The following TSPEAR variants were observed in gnomAD, a reference collection of about 807,000 sequenced individuals.
TSPEAR encodes thrombospondin-type laminin G domain and EAR repeat-containing protein.
Under a neutral mutation model 71.6 loss-of-function variants are expected in TSPEAR, and 69 were observed. The observed-to-expected ratio is 0.96, with a 90% confidence interval of 0.79 to 1.18. The LOEUF (loss-of-function observed/expected upper bound fraction) is 1.18, where lower values mean the gene tolerates loss of function less well. Ranked by LOEUF, TSPEAR falls within the 50% of genes most tolerant of loss-of-function variation. The pLI, the probability that TSPEAR is intolerant of heterozygous loss-of-function variation, is 0.00. For missense variants in TSPEAR, 971 were observed against 894.9 expected, an observed-to-expected ratio of 1.09 and a Z score of -1.09; for synonymous variants, 402 against 387.2, an observed-to-expected ratio of 1.04 and a Z score of -0.45.
intron 1 of TSPEAR, chr21:44,627,027 G>A (rs1982836724): frequency 1.6e-6 from 2 of 1,289,856 alleles, no homozygotes; most frequent in Non-Finnish European, 2.1e-6. Flanking sequence ...CAAGGAAGGG[G>A]AAGCTGTGGG....
intron 1 of TSPEAR, among the ~76,000 whole-genome samples, chr21:44,651,292 G>A (rs1329602534): frequency 1.3e-5 from 2 of 152,224 alleles, no homozygotes; most frequent in East Asian, 1.9e-4. Context: ...GACAGCTCAC[G>A]GCTGTGGCTG....
At chr21:44,540,682 C>T (rs1190868034) in intron 2 of TSPEAR, among the ~76,000 whole-genome samples, 2 of 152,302 alleles carry the variant, frequency 1.3e-5, no homozygotes, top group East Asian at 1.9e-4. Context: ...CAGTGGCCAG[C>T]GAACCCCACA....
chr21:44,548,812 A>G (rs1195131086), intron 2 of TSPEAR, among the ~76,000 whole-genome samples: 2 of 152,184 alleles, frequency 1.3e-5, no homozygotes, highest in Non-Finnish European at 2.9e-5. Flanking sequence ...CAGTATCTCT[A>G]AGAATTTTAA....
rs907026381 is a variant in TSPEAR, at chr21:44,499,600, C to T, written c.*183G>A. The T allele has an allele frequency of 1.7e-6, 1 of 591,758 alleles. No homozygotes were observed. Among genetic ancestry groups the T allele is most frequent in the Non-Finnish European group, 2.8e-6 (1 of 351,400 alleles). 36.7% of individuals were successfully genotyped at this position (591,758 alleles called of 1,614,324 possible). ...TCACTGGGGCTGTGGCTCAGAAGGA[C>T]TCAGAGGTGGATGGATGTCCCTGCC... On this transcript the variant is annotated 3_prime_UTR_variant, in exon 12 of 12. Coordinates refer to ENST00000323084, the MANE Select transcript of TSPEAR (RefSeq NM_144991.3).
At chr21:44,638,356 C>T in intron 1 of TSPEAR, 1 of 369,718 alleles carries the variant, frequency 2.7e-6, no homozygotes. Context: ...CAGCTACTCC[C>T]CCAGACCCAA....
At chr21:44,575,195 G>A in intron 1 of TSPEAR, 5 of 725,508 alleles carry the variant, frequency 6.9e-6, no homozygotes, top group South Asian at 2.0e-5. Flanking sequence ...CGGGGGGAGG[G>A]GGGCGCTTCT....
intron 6 of TSPEAR, among the ~76,000 whole-genome samples, chr21:44,527,986 C>A (rs991330421): frequency 1.3e-5 from 2 of 152,154 alleles, no homozygotes; most frequent in Non-Finnish European, 2.9e-5. Flanking sequence ...TGGATCTCAT[C>A]TCTGATCTAG....
intron 5 of TSPEAR, 70 bp from the exon 6 acceptor site, chr21:44,528,653 G>A: frequency 1.3e-6 from 2 of 1,580,742 alleles, no homozygotes; most frequent in South Asian, 2.3e-5. Context: ...CACAGGAAGA[G>A]GCCCCCAAAC....
intron 8 of TSPEAR, among the ~76,000 whole-genome samples, chr21:44,522,808 G>A (rs1476186931): frequency 2.0e-5 from 3 of 152,240 alleles, no homozygotes; most frequent in African/African-American, 4.8e-5. Flanking sequence ...CCATGTCCTC[G>A]GCAGCTGTCC....
Position 44,710,082 on chromosome 21 carries a change from C to T in TSPEAR, c.82+1351G>A, listed in dbSNP as rs35194355. Among the ~76,000 whole-genome samples the T allele has an allele frequency of 0.31, 47,033 of 151,880 alleles. 7,572 individuals are homozygous for T. Among genetic ancestry groups the T allele is most frequent in the Admixed American group, 0.42 (6,436 of 15,266 alleles). On this transcript the variant is annotated intron_variant, in intron 1 of 11. Coordinates refer to ENST00000323084, the MANE Select transcript of TSPEAR (RefSeq NM_144991.3). This position sits in a 1 kb window ranked among gnomAD's most constrained non-coding sequence, Gnocchi z 4.6. ...ATGTCTGTGACTCATGCCCCCCCAC[C>T]CCCACTCCAGGGTGTGCTGAGGAGT...
At chr21:44,617,135 C>T (rs1982153405) in intron 1 of TSPEAR, among the ~76,000 whole-genome samples, 1 of 152,220 alleles carries the variant, frequency 6.6e-6, no homozygotes, top group African/African-American at 2.4e-5. Context: ...ACACCCCCAG[C>T]ATGGCCACGT....
chr21:44,638,711 C>T (rs1983832528), intron 1 of TSPEAR, among the ~76,000 whole-genome samples: 1 of 152,008 alleles, frequency 6.6e-6, no homozygotes, highest in African/African-American at 2.4e-5. Flanking sequence ...CAGCACGTGG[C>T]CCCCCGGCCC....
intron 1 of TSPEAR, among the ~76,000 whole-genome samples, chr21:44,671,045 C>A (rs1986032046): frequency 6.6e-6 from 1 of 152,202 alleles, no homozygotes; most frequent in Non-Finnish European, 1.5e-5. Flanking sequence ...ACCCTCAGTG[C>A]CCAAGCATAC....
Position 44,642,236 on chromosome 21 carries a change from G to A in TSPEAR, c.82+69197C>T, listed in dbSNP as rs973541332. Reference sequence around the variant, plus strand: ...TGATATCCAGGAAAATATGGAAATGGTATTGAAAAAGCTCATTCTTCAGAA... The same window carrying A: ...TGATATCCAGGAAAATATGGAAATGATATTGAAAAAGCTCATTCTTCAGAA... On this transcript the variant is annotated intron_variant, in intron 1 of 11. Transcript: ENST00000323084. This position sits in a 1 kb window ranked among gnomAD's most constrained non-coding sequence, Gnocchi z 4.1. Among the ~76,000 whole-genome samples, 1 of 152,156 alleles carries A rather than the reference G, an allele frequency of 6.6e-6. No individual in the cohort carries two copies.
intron 1 of TSPEAR, among the ~76,000 whole-genome samples, chr21:44,701,013 A>AC (rs1165521658): frequency 6.6e-6 from 1 of 151,788 alleles, no homozygotes; most frequent in African/African-American, 2.4e-5. Context: ...GTGAAATGAC[A>AC]CCCCCCAGAC....
chr21:44,662,403 A>G (rs1245911649), intron 1 of TSPEAR, among the ~76,000 whole-genome samples: 1 of 152,252 alleles, frequency 6.6e-6, no homozygotes, highest in African/African-American at 2.4e-5. Context: ...GGAATATTAC[A>G]TAATGATAAA....
chr21:44,693,280 C>G (rs1987193665), intron 1 of TSPEAR, among the ~76,000 whole-genome samples: 1 of 152,082 alleles, frequency 6.6e-6, no homozygotes. Flanking sequence ...GGGAAAAATG[C>G]TTTATTCCCT....
chr21:44,517,913 C>T (rs79088222), intron 9 of TSPEAR: 1 of 467,388 alleles, frequency 2.1e-6, no homozygotes, highest in Admixed American at 2.4e-5. Flanking sequence ...TTTCTTCAAG[C>T]CTTCTCTGAC....
At position 44,573,734 on chromosome 21, in the gene TSPEAR, A is replaced by C. The variant is rs782645567; in HGVS notation, c.83-5729T>G. The stretch of plus-strand genomic sequence containing the variant: ...CACTCCCTCCCATCTCCCCCAGCTC[A>C]ACCCCCAGCACAGCAGCATCCACCA... On this transcript the variant is annotated intron_variant, in intron 1 of 11. Transcript: ENST00000323084. 8 of 1,599,522 alleles carry C rather than the reference A, an allele frequency of 5.0e-6. No individual in the cohort carries two copies. The African/African-American group carries it at 8.1e-5, about 16-fold the overall frequency.
Sources: allele counts gnomAD v4.1 joint callset (sites outside exome capture counted in the v4.1 genomes callset), GRCh38; gene constraint gnomAD v4.1.1; non-coding constraint Gnocchi (gnomAD v3.1); transcripts MANE v1.5; gene names NCBI Gene and HGNC (gene_info 2026-07-23, HGNC 2026-07-21).